SREBF2: variants seen among roughly 807,000 people sequenced by gnomAD.
The protein encoded by SREBF2 is sterol regulatory element-binding protein 2.
Under a neutral mutation model 113.1 loss-of-function variants are expected in SREBF2, and 55 were observed. The observed-to-expected ratio is 0.49, with a 90% CI of 0.39 to 0.61. The LOEUF is 0.61. Among genes scored for constraint, SREBF2 ranks in the 20% least tolerant of loss-of-function variants. The probability of loss-of-function intolerance (pLI) is 0.00; values close to 1 mark genes in which losing one functional copy is unlikely to be tolerated. For missense variants in SREBF2, 1,349 were observed against 1,487.4 expected, an observed-to-expected ratio of 0.91 and a Z score of 1.53; for synonymous variants, 593 against 605.7, an observed-to-expected ratio of 0.98 and a Z score of 0.31.
intron 11 of SREBF2, among the ~76,000 whole-genome samples, chr22:41,892,767 C>G (rs1011406337): frequency 6.6e-6 from 1 of 152,204 alleles, no homozygotes; most frequent in Non-Finnish European, 1.5e-5. Context: ...TGAGACCCCT[C>G]CTTGGGAAAC....
intron 1 of SREBF2, among the ~76,000 whole-genome samples, chr22:41,836,351 T>C (rs1470504250): frequency 6.6e-6 from 1 of 152,202 alleles, no homozygotes; most frequent in Non-Finnish European, 1.5e-5. Context: ...AGTGCCAGTA[T>C]GGAACAGCTT....
At chr22:41,885,261 T>C (rs1425403157) in intron 11 of SREBF2, among the ~76,000 whole-genome samples, 3 of 152,196 alleles carry the variant, frequency 2.0e-5, no homozygotes, top group Non-Finnish European at 2.9e-5. Context: ...CCTGAGGTAA[T>C]ATGAGGTAAT....
chr22:41,892,626 C>T (rs868339689), intron 11 of SREBF2, among the ~76,000 whole-genome samples: 54 of 128,154 alleles, frequency 4.2e-4, no homozygotes, highest in Admixed American at 4.8e-4. Flanking sequence ...CCAGCCTGGG[C>T]GACAGAGCGA....
In SREBF2 at chr22:41,903,082, A is replaced by G. The variant is rs2077478743; in HGVS notation, c.3020A>G (p.Glu1007Gly). The G allele has an allele frequency of 6.3e-7, 1 of 1,587,416 alleles. No homozygotes were observed. Among genetic ancestry groups the G allele is most frequent in the South Asian group, 1.1e-5 (1 of 87,644 alleles). ...GAGACCTACCACGCGTCAGGCGCTG[A>G]ACTGGCGGGCTTCCAACGGGACCTG... The part of the protein sequence containing the change: ...VGETYHASGA[E>G]LAGFQRDLGS... Residue 1007 changes from glutamate (E) to glycine (G), a missense_variant, in exon 17 of 19, where the codon GAA (glutamate) becomes GGA (glycine). Transcript: ENST00000361204.
rs1403738239 is a variant in SREBF2, at chr22:41,907,038, G to C, written c.*1378G>C. The C allele has an allele frequency of 6.6e-6, 1 of 152,226 alleles. No individual in the cohort carries two copies. Among genetic ancestry groups the C allele is most frequent in the Non-Finnish European group, 1.5e-5 (1 of 68,066 alleles). 9.4% of individuals were successfully genotyped at this position (152,226 alleles called of 1,614,324 possible). A position where few individuals can be genotyped will look rare whatever the true frequency, so the allele number is the denominator to read the frequency against. On this transcript the variant is annotated 3_prime_UTR_variant, in exon 19 of 19. Transcript: ENST00000361204. ...GGGGTGCTCACAGCAGGGCCACCTT[G>C]ATGCAGGCTGGAATGTTATCCCTGG...
chr22:41,871,148 A>G (rs935096125), intron 4 of SREBF2, 113 bp downstream of exon 4: 16 of 1,398,872 alleles, frequency 1.1e-5, no homozygotes, highest in Non-Finnish European at 1.6e-5. Flanking sequence ...GGTCTATAGC[A>G]CAAATCAGTC....
intron 16 of SREBF2, among the ~76,000 whole-genome samples, chr22:41,902,506 C>G (rs2077473218): frequency 6.6e-6 from 1 of 152,118 alleles, no homozygotes. Context: ...ACCTGTCTCC[C>G]TCTCCCACTC....
intron 5 of SREBF2, among the ~76,000 whole-genome samples, chr22:41,874,620 T>C (rs2077176158): frequency 6.6e-6 from 1 of 152,234 alleles, no homozygotes; most frequent in African/African-American, 2.4e-5. Flanking sequence ...TTAAGATAAC[T>C]GTCCAGGCTA....
At chr22:41,867,392 G>A in intron 2 of SREBF2, 112 bp downstream of exon 2, 1 of 1,172,934 alleles carries the variant, frequency 8.5e-7, no homozygotes, top group South Asian at 1.3e-5. Context: ...ATATCAATAT[G>A]GTCCTGTCTG....
At chr22:41,844,716 A>G (rs1294304660) in intron 1 of SREBF2, among the ~76,000 whole-genome samples, 2 of 152,018 alleles carry the variant, frequency 1.3e-5, no homozygotes, top group East Asian at 3.9e-4. Context: ...TCTAGTTTGG[A>G]ACAGTGATGA....
At chr22:41,904,169 C>T (rs5996084) in intron 17 of SREBF2, among the ~76,000 whole-genome samples, 11,006 of 152,236 alleles carry the variant, frequency 0.072, 1,289 homozygotes, top group African/African-American at 0.25. Flanking sequence ...TGAGCCACCT[C>T]GCCTGGTCCA....
At chr22:41,891,995 C>G (rs2077368185) in intron 11 of SREBF2, among the ~76,000 whole-genome samples, 1 of 152,186 alleles carries the variant, frequency 6.6e-6, no homozygotes, top group Admixed American at 6.5e-5. Flanking sequence ...TGACCGGGGC[C>G]CTGGCTCTTT....
chr22:41,848,190 C>T lies in SREBF2; in HGVS notation c.88+14832C>T, dbSNP rs552265627. Reference sequence around the variant, plus strand: ...TATGTATACATGTGCAGTGCTGGTGCGCTGTACCCACTAACTCGTCATCTA... The same window carrying T: ...TATGTATACATGTGCAGTGCTGGTGTGCTGTACCCACTAACTCGTCATCTA... On this transcript the variant is annotated intron_variant, in intron 1 of 18. Coordinates refer to ENST00000361204, the MANE Select transcript of SREBF2 (RefSeq NM_004599.4). Among the ~76,000 whole-genome samples the T allele has an allele frequency of 1.4e-3, 219 of 152,030 alleles. 1 individual carries two copies. The highest frequency in any genetic ancestry group is 4.8e-3 in the African/African-American group (200 of 41,464).
rs559817219 is a variant in SREBF2, at chr22:41,880,290, G to A, written c.1762-426G>A. On this transcript the variant is annotated intron_variant, in intron 9 of 18. Transcript: ENST00000361204. ...CTGCTGGCCGGGCATGGTGGCTCAC[G>A]CCTGTAATCCCAACACTTTGGAAGG... Among the ~76,000 whole-genome samples the A allele has an allele frequency of 1.2e-3, 177 of 151,586 alleles. 2 individuals carry two copies. Among genetic ancestry groups the A allele is most frequent in the African/African-American group, 3.5e-3 (145 of 41,260 alleles).
chr22:41,873,983 C>G lies in SREBF2; in HGVS notation c.1053C>G (p.Ile351Met). ...GCTCCTCCATCAATGACAAAATCAT[C>G]GAATTGAAAGACCTGGTCATGGGGA... is the stretch of plus-strand genomic sequence containing the variant. Reference protein sequence around the residue: ...RYRSSINDKIIELKDLVMGTD... With the variant: ...RYRSSINDKIMELKDLVMGTD... The change falls in exon 5 of 19, where the codon ATC (isoleucine) becomes ATG (methionine). Residue 351 changes from isoleucine to methionine, a missense_variant. Around this residue, in one of 2 missense-constraint regions of SREBF2, gnomAD observed 699 missense variants for 843.3 expected, o/e 0.83. Transcript: ENST00000361204. 1 of 1,614,088 alleles carries G rather than the reference C, an allele frequency of 6.2e-7. No homozygotes were observed. The highest frequency in any genetic ancestry group is 8.5e-7 in the Non-Finnish European group (1 of 1,180,010).
chr22:41,881,418 T>C (rs1435715326), intron 10 of SREBF2, among the ~76,000 whole-genome samples: 1 of 152,236 alleles, frequency 6.6e-6, no homozygotes, highest in Non-Finnish European at 1.5e-5. Flanking sequence ...GTGAGTATGT[T>C]AGACTTAGCA....
rs2077515961 is a variant in SREBF2, at chr22:41,907,134, C to G, written c.*1474C>G. On this transcript the variant is annotated 3_prime_UTR_variant, in exon 19 of 19. Coordinates refer to ENST00000361204, the MANE Select transcript of SREBF2 (RefSeq NM_004599.4). ...CTACTCTCACTGTAATTTATGGACC[C>G]TGCCCGCCTGCGTGTTGTGTGTATG... 1 of 152,250 alleles carries G rather than the reference C, an allele frequency of 6.6e-6. No homozygotes were observed. The highest frequency in any genetic ancestry group is 1.5e-5 in the Non-Finnish European group (1 of 68,088). The allele number at this position is 152,250 out of a possible 1,614,324, so 9.4% of individuals were successfully genotyped here.
At chr22:41,895,014 C>A in intron 13 of SREBF2, 77 bp downstream of exon 13, 2 of 1,125,852 alleles carry the variant, frequency 1.8e-6, no homozygotes, top group Non-Finnish European at 2.7e-6. Context: ...AAGGCCTGCA[C>A]TCCTGGAGGG....
At position 41,884,943 on chromosome 22, in the gene SREBF2, G is replaced by A. The variant is rs777465001; in HGVS notation, c.2140G>A (p.Val714Ile). Residue 714 changes from valine (V) to isoleucine (I), a missense_variant, in exon 11 of 19, where the codon GTT becomes ATT. This residue lies in a region of SREBF2 where 650 missense variants were observed against 644.1 expected (regional missense o/e 1.01). Coordinates refer to ENST00000361204, the MANE Select transcript of SREBF2 (RefSeq NM_004599.4). ...GGAGAAGATCCCACCGAGCACACTGGTTGAGATCCATCTGACTGCTGCCAT... is the reference window on the plus strand; with the variant it reads ...GGAGAAGATCCCACCGAGCACACTGATTGAGATCCATCTGACTGCTGCCAT... ...AEEKIPPSTLVEIHLTAAMGL... is the reference protein window; with the variant it reads ...AEEKIPPSTLIEIHLTAAMGL... The A allele has an allele frequency of 4.3e-6, 7 of 1,614,096 alleles. No homozygotes were observed. In the African/African-American group the frequency reaches 9.3e-5, roughly 22 times the overall value.
Sources: gnomAD v4.1 joint callset for allele counts (sites outside exome capture counted in the v4.1 genomes callset) on GRCh38, gnomAD v4.1.1 for gene constraint, gnomAD v4.1.1 regional missense constraint, MANE v1.5 for transcripts, NCBI Gene and HGNC (gene_info 2026-07-23, HGNC 2026-07-21) for gene names.